SLIT2: variants seen among roughly 807,000 people sequenced by gnomAD.
SLIT2 encodes the protein slit guidance ligand 2, also known as slit homolog 2 protein.
In SLIT2, 41 loss-of-function variants were observed where a neutral mutation model predicts 185.7. That is an observed-to-expected ratio of 0.22 (90% CI 0.17 to 0.29). The LOEUF is 0.29. Among genes scored for constraint, SLIT2 ranks in the 10% least tolerant of loss-of-function variants. SLIT2 has a pLI of 1.00. For synonymous variants in SLIT2, 693 were observed against 680.2 expected (o/e 1.02, Z -0.29); for missense variants, 1,571 against 1,909.0 (o/e 0.82, Z 3.30).
At chr4:20,357,456 T>G (rs1336955612) in intron 4 of SLIT2, among the ~76,000 whole-genome samples, 1 of 152,164 alleles carries the variant, frequency 6.6e-6, no homozygotes, top group Non-Finnish European at 1.5e-5. Flanking sequence ...AGAGATATGC[T>G]ATTTTTCCAC....
chr4:20,486,881 G>T (rs1337804086), intron 7 of SLIT2, among the ~76,000 whole-genome samples: 1 of 151,832 alleles, frequency 6.6e-6, no homozygotes, highest in Admixed American at 6.6e-5. Context: ...TTAAGTTATA[G>T]AATATCAGAG....
At chr4:20,325,933 A>T (rs1248038823) in intron 4 of SLIT2, among the ~76,000 whole-genome samples, 1 of 152,112 alleles carries the variant, frequency 6.6e-6, no homozygotes, top group Non-Finnish European at 1.5e-5. Context: ...AATATACTTT[A>T]TTTAGCCCTT....
chr4:20,598,906 A>C (rs1338615252), intron 33 of SLIT2, among the ~76,000 whole-genome samples: 1 of 151,952 alleles, frequency 6.6e-6, no homozygotes, highest in Non-Finnish European at 1.5e-5. Flanking sequence ...GAATCTATAG[A>C]CTCTAGTAAT....
At chr4:20,470,337 A>C (rs1001905095) in intron 5 of SLIT2, among the ~76,000 whole-genome samples, 3 of 152,144 alleles carry the variant, frequency 2.0e-5, no homozygotes, top group Non-Finnish European at 2.9e-5. Context: ...AAGAAAATAT[A>C]ATAGAAAGTG....
At chr4:20,574,569 T>C (rs1017275358) in intron 29 of SLIT2, among the ~76,000 whole-genome samples, 5 of 152,038 alleles carry the variant, frequency 3.3e-5, no homozygotes, top group African/African-American at 1.2e-4. Context: ...GGTGGATCCT[T>C]TGAGCCCAGG....
chr4:20,405,267 A>G (rs1350949040), intron 4 of SLIT2, among the ~76,000 whole-genome samples: 1 of 152,098 alleles, frequency 6.6e-6, no homozygotes, highest in East Asian at 1.9e-4. Context: ...AAGAAAATAA[A>G]GAAATTTTCT....
intron 4 of SLIT2, among the ~76,000 whole-genome samples, chr4:20,378,111 G>T (rs529000164): frequency 5.3e-5 from 8 of 152,010 alleles, no homozygotes; most frequent in Non-Finnish European, 1.2e-4. Context: ...AATTAATTAT[G>T]ATTGAAAAAG....
chr4:20,618,179 T>G (rs1729829091), intron 36 of SLIT2, among the ~76,000 whole-genome samples: 1 of 152,156 alleles, frequency 6.6e-6, no homozygotes, highest in South Asian at 2.1e-4. Flanking sequence ...ACCTTCCTCC[T>G]TCTCCTTTGT....
intron 8 of SLIT2, chr4:20,490,822 C>T: frequency 2.6e-6 from 4 of 1,519,726 alleles, no homozygotes; most frequent in Non-Finnish European, 3.5e-6. Flanking sequence ...AAGGCAAGTT[C>T]ACATTTCTTT....
rs1172946466 is a variant in SLIT2 at position 20,407,410 on chromosome 4, A to T, written c.396-60342A>T. ...AAAAATAATTATTTTTCAGTTCATG[A>T]AGAACAAAACTAGACTAACAAATGT... On this transcript the variant is annotated intron_variant, in intron 4 of 36. Transcript: ENST00000504154. 2.6e-5 allele frequency among the ~76,000 whole-genome samples: 4 copies of T among 152,220 alleles called. No individual in the cohort carries two copies. In the East Asian group the frequency reaches 7.7e-4, roughly 29 times the overall value.
intron 4 of SLIT2, among the ~76,000 whole-genome samples, chr4:20,332,294 C>T (rs1167883154): frequency 6.6e-6 from 1 of 152,100 alleles, no homozygotes; most frequent in Admixed American, 6.6e-5. Context: ...AGAGCAGATA[C>T]CCGTGTTTTA....
chr4:20,574,603 A>T (rs941701393), intron 29 of SLIT2, among the ~76,000 whole-genome samples: 1 of 152,088 alleles, frequency 6.6e-6, no homozygotes, highest in Non-Finnish European at 1.5e-5. Context: ...CCTGGGCAAC[A>T]TGGTGAAACC....
At chr4:20,506,454 G>T (rs967590769) in intron 9 of SLIT2, among the ~76,000 whole-genome samples, 2 of 151,902 alleles carry the variant, frequency 1.3e-5, no homozygotes, top group Admixed American at 1.3e-4. Context: ...CAGCTTCTAT[G>T]CTATTAAAGC....
At chr4:20,523,595 A>G (rs1010994273) in intron 12 of SLIT2, among the ~76,000 whole-genome samples, 165 bp from the exon 13 acceptor site, 4 of 152,234 alleles carry the variant, frequency 2.6e-5, no homozygotes, top group Non-Finnish European at 1.5e-5. Flanking sequence ...ATGTGGTAAA[A>G]CCCCACATCT....
intron 11 of SLIT2, among the ~76,000 whole-genome samples, chr4:20,511,876 T>A (rs2148827391): frequency 6.6e-6 from 1 of 152,130 alleles, no homozygotes; most frequent in East Asian, 1.9e-4. Flanking sequence ...ACCTCCACTC[T>A]TTTTCATCAC....
At chr4:20,545,352 T>A (rs1324576920) in intron 21 of SLIT2, among the ~76,000 whole-genome samples, 1 of 152,068 alleles carries the variant, frequency 6.6e-6, no homozygotes, top group Non-Finnish European at 1.5e-5. Flanking sequence ...CATTCGATTA[T>A]CTCTCTGTCC....
chr4:20,274,915 A>G, intron 4 of SLIT2, among the ~76,000 whole-genome samples: 1 of 152,128 alleles, frequency 6.6e-6, no homozygotes, highest in East Asian at 1.9e-4. Context: ...AATATGTGGT[A>G]TTTGTGGGCC....
At chr4:20,492,019 C>A in intron 9 of SLIT2, 120 bp downstream of exon 9, 1 of 901,074 alleles carries the variant, frequency 1.1e-6, no homozygotes, top group Non-Finnish European at 1.7e-6. Flanking sequence ...GACAAATGTT[C>A]TCTTCAGAAA....
rs1010787453 is a variant in SLIT2 at position 20,528,636 on chromosome 4, T to A, written c.1463-313T>A. The stretch of plus-strand genomic sequence containing the variant: ...GACTCCGAGAAAAAAAATAAACTTT[T>A]TAATAATTAATATCCATTGTGTGAC... On this transcript the variant is annotated intron_variant, in intron 15 of 36. Transcript: ENST00000504154. This position sits in a 1 kb window ranked among gnomAD's most constrained non-coding sequence, Gnocchi z 4.2. Among the ~76,000 whole-genome samples, 1 of 152,196 alleles carries A rather than the reference T, an allele frequency of 6.6e-6. No individual in the cohort carries two copies. Among genetic ancestry groups the A allele is most frequent in the African/African-American group, 2.4e-5 (1 of 41,448 alleles).
Sources: gnomAD v4.1 joint callset for allele counts (sites outside exome capture counted in the v4.1 genomes callset) on GRCh38, gnomAD v4.1.1 for gene constraint, Gnocchi (gnomAD v3.1) non-coding constraint, MANE v1.5 for transcripts, NCBI Gene and HGNC (gene_info 2026-07-23, HGNC 2026-07-21) for gene names.